Variants in GIP observed in about 807,000 individuals in gnomAD.
The protein encoded by GIP is gastric inhibitory polypeptide.
Under a neutral mutation model 18.1 loss-of-function variants are expected in GIP, and 16 were observed. The ratio of observed to expected loss-of-function variants is 0.88; its 90% CI spans 0.60 to 1.34. GIP has a LOEUF of 1.34. Ranked by LOEUF, GIP falls within the 40% of genes most tolerant of loss-of-function variation. GIP has a pLI of 0.00. For missense variants in GIP, 192 were observed against 183.4 expected, an observed-to-expected ratio of 1.05 and a Z score of -0.27; for synonymous variants, 76 against 74.0, an observed-to-expected ratio of 1.03 and a Z score of -0.14.
In GIP at chr17:48,960,983, G is replaced by C. The variant is rs781678802; in HGVS notation, c.355C>G (p.Pro119Ala). The C allele has an allele frequency of 1.9e-6, 3 of 1,603,136 alleles. No homozygotes were observed. Among genetic ancestry groups the C allele is most frequent in the Non-Finnish European group, 2.6e-6 (3 of 1,174,422 alleles). The stretch of plus-strand genomic sequence containing the variant: ...TCTTCATCGCTGGGGTTCTTGGCTG[G>C]GGAGCTGCAAGGGAACAGTCTCTGG... ...EEEAVEPQSS[P>A]AKNPSDEDLL... The change falls in exon 5 of 6, where the codon CCA (proline) becomes GCA (alanine). Residue 119 changes from proline (P) to alanine (A), a missense_variant. Coordinates refer to ENST00000357424, the MANE Select transcript of GIP (RefSeq NM_004123.3).
chr17:48,964,493 G>A lies in GIP; in HGVS notation c.87-13C>T. ...GGAGGGGAGAGCGCTGGAAACAAGG[G>A]TGCGGAGAAGGGGCAGAGATGGGGG... On this transcript the variant is annotated splice_polypyrimidine_tract_variant and intron_variant, in intron 2 of 5. Transcript: ENST00000357424. 23 of 1,612,108 alleles carry A rather than the reference G, an allele frequency of 1.4e-5. No individual in the cohort carries two copies. The highest frequency in any genetic ancestry group is 2.0e-5 in the Non-Finnish European group (23 of 1,178,762).
Position 48,967,157 on chromosome 17 carries a change from CCT to C in GIP, c.74_75del (p.Glu25GlyfsTer16). On this transcript the variant is annotated frameshift_variant, in exon 2 of 6. Transcript: ENST00000357424. LOFTEE classifies it high-confidence loss of function. ...FLAVGLGEKK[E>X]GHFSALPSLP... is the part of the protein sequence containing the mutation. ...TCTCACCACTCCTACCTGAAGTGACCCTCTTTCTTCTCTCCTAGTCCCACTGC... is the reference window on the plus strand; with the variant it reads ...TCTCACCACTCCTACCTGAAGTGACCCTTTCTTCTCTCCTAGTCCCACTGC... 3 of 1,612,182 alleles carry C rather than the reference CCT, an allele frequency of 1.9e-6. No homozygotes were observed. The highest frequency in any genetic ancestry group is 2.5e-6 in the Non-Finnish European group (3 of 1,178,344).
chr17:48,965,536 C>T (rs1483579371), intron 2 of GIP, among the ~76,000 whole-genome samples: 1 of 140,910 alleles, frequency 7.1e-6, no homozygotes, highest in East Asian at 2.1e-4. Context: ...ACCCAGGAGG[C>T]GCTGCTTGCA....
chr17:48,966,341 A>C (rs1356228036), intron 2 of GIP, among the ~76,000 whole-genome samples: 1 of 151,656 alleles, frequency 6.6e-6, no homozygotes, highest in Non-Finnish European at 1.5e-5. Context: ...GGATCATCTA[A>C]GGTCAGGAGT....
At chr17:48,965,184 C>T (rs1598104870) in intron 2 of GIP, among the ~76,000 whole-genome samples, 1 of 148,566 alleles carries the variant, frequency 6.7e-6, no homozygotes. Flanking sequence ...GCCTGTAATC[C>T]CAGCTACTCA....
Position 48,963,841 on chromosome 17 carries a change from CAAAA to C in GIP, c.257+465_257+468del, listed in dbSNP as rs60257330. On this transcript the variant is annotated intron_variant, in intron 3 of 5. Transcript: ENST00000357424. ...GGGCAACAAGAGCAAAACTCTGTCT[CAAAA>C]AAAAAAAAAAAAAAAAAAGAGAGAG... Among the ~76,000 whole-genome samples, 129 of 35,870 alleles carry C rather than the reference CAAAA, an allele frequency of 3.6e-3. 1 individual carries two copies. Among genetic ancestry groups the C allele is most frequent in the African/African-American group, 0.017 (99 of 5,844 alleles). The allele number at this position is 35,870 out of a possible 152,430, so 23.5% of individuals were successfully genotyped here.
chr17:48,965,633 G>T (rs1182657893), intron 2 of GIP, among the ~76,000 whole-genome samples: 2 of 150,152 alleles, frequency 1.3e-5, no homozygotes, highest in African/African-American at 4.9e-5. Context: ...AGGGATCGGG[G>T]TCCCCTCATC....
chr17:48,965,810 C>T (rs914167187), intron 2 of GIP, among the ~76,000 whole-genome samples: 6 of 152,010 alleles, frequency 3.9e-5, no homozygotes, highest in Non-Finnish European at 7.4e-5. Flanking sequence ...TCACAACATC[C>T]TATGAGGTAG....
At position 48,959,723 on chromosome 17, in the gene GIP, G is replaced by A. The variant is rs551370896; in HGVS notation, c.453-1007C>T. ...GTGCCATGGCCCAAGGGTACAGAGG[G>A]AAAGCTGAGAACAGGATGGGCTCAG... is the stretch of plus-strand genomic sequence containing the variant. On this transcript the variant is annotated intron_variant, in intron 5 of 5. Coordinates refer to ENST00000357424, the MANE Select transcript of GIP (RefSeq NM_004123.3). Among the ~76,000 whole-genome samples the A allele has an allele frequency of 1.9e-3, 282 of 152,238 alleles. 1 individual carries two copies. Among genetic ancestry groups the A allele is most frequent in the African/African-American group, 6.5e-3 (272 of 41,530 alleles).
chr17:48,968,344 T>A (rs2041246429), intron 1 of GIP, among the ~76,000 whole-genome samples, 173 bp downstream of exon 1: 1 of 152,002 alleles, frequency 6.6e-6, no homozygotes, highest in African/African-American at 2.4e-5. Flanking sequence ...TCCTCCTACC[T>A]CGGCTCCCAA....
At chr17:48,963,224 T>C (rs1408525212) in intron 3 of GIP, among the ~76,000 whole-genome samples, 1 of 151,760 alleles carries the variant, frequency 6.6e-6, no homozygotes. Context: ...CATCCTTGCC[T>C]GGTGAAAGGT....
chr17:48,964,320 TC>T lies in GIP; in HGVS notation c.246del (p.Lys83ArgfsTer51). 1 of 1,613,506 alleles carries T rather than the reference TC, an allele frequency of 6.2e-7. No homozygotes were observed. Among genetic ancestry groups the T allele is most frequent in the Non-Finnish European group, 8.5e-7 (1 of 1,179,530 alleles). ...DFVNWLLAQK[G>X]KKNDWKHNIT... ...TAAGCAGCGACTCACTCATTCTTCT[TC>T]CCCTTTTGGGCCAGCAGCCAGTTCA... On this transcript the variant is annotated frameshift_variant, in exon 3 of 6. Transcript: ENST00000357424. LOFTEE classifies it high-confidence loss of function.
At chr17:48,966,663 C>T (rs758998294) in intron 2 of GIP, among the ~76,000 whole-genome samples, 3 of 151,828 alleles carry the variant, frequency 2.0e-5, no homozygotes, top group Non-Finnish European at 4.4e-5. Flanking sequence ...AAAAACTAGC[C>T]GAGCGTGGTG....
Position 48,964,468 on chromosome 17 carries a change from G to T in GIP, c.99C>A (p.Ser33=), listed in dbSNP as rs756129476. ...KKEGHFSALP[S]LPVGSHAKVS... ...CCTTAGCATGAGATCCAACAGGCAG[G>T]GAGGGGAGAGCGCTGGAAACAAGGG... is the stretch of plus-strand genomic sequence containing the variant. Residue 33 remains serine, a synonymous_variant, in exon 3 of 6, where the codon TCC becomes TCA. Transcript: ENST00000357424. The T allele has an allele frequency of 1.2e-6, 2 of 1,613,986 alleles. No individual in the cohort carries two copies. The highest frequency in any genetic ancestry group is 1.7e-6 in the Non-Finnish European group (2 of 1,179,890).
intron 5 of GIP, among the ~76,000 whole-genome samples, chr17:48,960,561 T>C (rs184573207): frequency 6.6e-6 from 1 of 152,206 alleles, no homozygotes; most frequent in East Asian, 1.9e-4. Flanking sequence ...TCACCTCGCC[T>C]GGAAGAGTGA....
At chr17:48,966,997 G>T in intron 2 of GIP, 150 bp downstream of exon 2, 1 of 619,772 alleles carries the variant, frequency 1.6e-6, no homozygotes, top group Non-Finnish European at 2.9e-6. Flanking sequence ...TGCTCACTTT[G>T]CACTCACGCT....
In GIP at chr17:48,958,856, C is replaced by CTT. The variant is rs34610908; in HGVS notation, c.453-142_453-141dup. ...AAATATTTTAATTTTTATCAATTTA[C>CTT]TTTTTTTTTTTTTTTTGAGACGGAG... On this transcript the variant is annotated intron_variant, in intron 5 of 5. Transcript: ENST00000357424. 2,777 of 421,782 alleles carry CTT rather than the reference C, an allele frequency of 6.6e-3. 2 individuals are homozygous for CTT. Among genetic ancestry groups the CTT allele is most frequent in the Middle Eastern group, 9.0e-3 (12 of 1,326 alleles). The allele number at this position is 421,782 out of a possible 1,614,324, so 26.1% of individuals were successfully genotyped here.
intron 4 of GIP, 37 bp downstream of exon 4, chr17:48,961,690 G>T (rs1464623468): frequency 8.1e-6 from 11 of 1,351,550 alleles, no homozygotes; most frequent in South Asian, 4.7e-5. Flanking sequence ...GGGGCAGGAG[G>T]CTTGGCTCCC....
At position 48,964,483 on chromosome 17, in the gene GIP, G is replaced by A. The variant is rs1417641200; in HGVS notation, c.87-3C>T. 3 of 1,613,418 alleles carry A rather than the reference G, an allele frequency of 1.9e-6. No homozygotes were observed. The South Asian group carries it at 3.3e-5, about 18-fold the overall frequency. ...CAACAGGCAGGGAGGGGAGAGCGCT[G>A]GAAACAAGGGTGCGGAGAAGGGGCA... On this transcript the variant is annotated splice_polypyrimidine_tract_variant and splice_region_variant and intron_variant, in intron 2 of 5. Transcript: ENST00000357424.
Sources: allele counts gnomAD v4.1 joint callset (sites outside exome capture counted in the v4.1 genomes callset), GRCh38; gene constraint gnomAD v4.1.1; transcripts MANE v1.5; gene names NCBI Gene and HGNC (gene_info 2026-07-23, HGNC 2026-07-21).